The following CUX1 variants were observed in gnomAD, a reference collection of about 807,000 sequenced individuals.
CUX1 encodes protein CASP.
Under a neutral mutation model 158.8 loss-of-function variants are expected in CUX1, and 31 were observed. The ratio of observed to expected loss-of-function variants is 0.20; its 90% CI spans 0.15 to 0.26. The LOEUF is 0.26. CUX1 is among the 10% of genes least tolerant of loss of function. The pLI is 1.00. For synonymous variants in CUX1, 879 were observed against 862.1 expected (o/e 1.02, Z -0.34); for missense variants, 1,589 against 2,014.6 (o/e 0.79, Z 4.04).
chr7:102,164,064 G>A (rs142010960), intron 9 of CUX1, among the ~76,000 whole-genome samples: 229 of 152,308 alleles, frequency 1.5e-3, no homozygotes, highest in African/African-American at 5.2e-3. Flanking sequence ...CAGATCTCTT[G>A]AGACTTCATG....
chr7:101,969,176 A>T (rs1404412624), intron 2 of CUX1, among the ~76,000 whole-genome samples: 1 of 151,552 alleles, frequency 6.6e-6, no homozygotes, highest in Non-Finnish European at 1.5e-5. Context: ...AAAAAAAAAA[A>T]TGCAAAAAAT....
chr7:102,212,245 GC>G (rs1320424433), intron 20 of CUX1, among the ~76,000 whole-genome samples: 1 of 152,166 alleles, frequency 6.6e-6, no homozygotes, highest in Non-Finnish European at 1.5e-5. Flanking sequence ...GTCAGGGGCA[GC>G]CAGTGCTGAG....
Position 101,916,611 on chromosome 7 carries a change from G to C in CUX1, c.141+386G>C. The stretch of plus-strand genomic sequence containing the variant: ...GGATCCTGTGGGGTGGAAGGTCCGC[G>C]GGGCCTGCTTCCCTGTTGCTGGTGC... On this transcript the variant is annotated intron_variant, in intron 2 of 23. Transcript: ENST00000292535. The surrounding 1 kb of genome is among the most constrained non-coding windows in gnomAD (Gnocchi z 4.4). 4.8e-6 allele frequency: 1 copy of C among 209,756 alleles called. No individual in the cohort carries two copies. Among genetic ancestry groups the C allele is most frequent in the South Asian group, 7.5e-5 (1 of 13,338 alleles). 13.0% of individuals were successfully genotyped at this position (209,756 alleles called of 1,614,324 possible). A position where few individuals can be genotyped will look rare whatever the true frequency, so the allele number is the denominator to read the frequency against.
rs554710100 is a variant in CUX1 at position 101,833,385 on chromosome 7, GA to G, written c.30+15728del. ...GCAACAGTGAGACCCTGTCTCTACAGAAAAAAAAAAAAGAAAGAAATTAGCT... is the reference window on the plus strand; with the variant it reads ...GCAACAGTGAGACCCTGTCTCTACAGAAAAAAAAAAAGAAAGAAATTAGCT... On this transcript the variant is annotated intron_variant, in intron 1 of 23. Coordinates refer to ENST00000292535, the MANE Select transcript of CUX1 (RefSeq NM_181552.4). Among the ~76,000 whole-genome samples, 535 of 138,780 alleles carry G rather than the reference GA, an allele frequency of 3.9e-3. 3 individuals carry two copies. The highest frequency in any genetic ancestry group is 0.011 in the African/African-American group (417 of 37,806). 91.0% of individuals were successfully genotyped at this position (138,780 alleles called of 152,430 possible). A position where few individuals can be genotyped will look rare whatever the true frequency, so the allele number is the denominator to read the frequency against.
At chr7:102,272,952 G>T (rs1161606009) in intron 14 of CUX1, among the ~76,000 whole-genome samples, 2 of 152,248 alleles carry the variant, frequency 1.3e-5, no homozygotes, top group East Asian at 3.9e-4. Flanking sequence ...CATTATCCCA[G>T]AACATCAGCT....
At chr7:101,982,172 A>G (rs1029761011) in intron 2 of CUX1, among the ~76,000 whole-genome samples, 1 of 152,216 alleles carries the variant, frequency 6.6e-6, no homozygotes, top group Non-Finnish European at 1.5e-5. Flanking sequence ...ACATAGCAGT[A>G]AAAAGTAGTT....
intron 2 of CUX1, among the ~76,000 whole-genome samples, chr7:101,936,138 G>A (rs1186889315): frequency 6.6e-6 from 1 of 151,942 alleles, no homozygotes; most frequent in African/African-American, 2.4e-5. Context: ...AAACTACAGG[G>A]CAGGAAAACA....
intron 1 of CUX1, among the ~76,000 whole-genome samples, chr7:101,819,949 C>T (rs897726611): frequency 7.9e-5 from 12 of 152,200 alleles, no homozygotes; most frequent in African/African-American, 2.7e-4. Context: ...CCTAAATCCA[C>T]TGAGCTAACC....
At chr7:101,954,805 C>G (rs577581354) in intron 2 of CUX1, among the ~76,000 whole-genome samples, 1 of 152,286 alleles carries the variant, frequency 6.6e-6, no homozygotes, top group East Asian at 1.9e-4. Flanking sequence ...ACGACAAACT[C>G]CATCTCCTTC....
chr7:101,989,303 C>G (rs1814777604), intron 2 of CUX1, among the ~76,000 whole-genome samples: 1 of 152,246 alleles, frequency 6.6e-6, no homozygotes, highest in Admixed American at 6.5e-5. Flanking sequence ...GGAACGATGT[C>G]TGCGCCGACC....
At chr7:102,031,981 G>A (rs1820840721) in intron 3 of CUX1, among the ~76,000 whole-genome samples, 2 of 151,562 alleles carry the variant, frequency 1.3e-5, no homozygotes, top group African/African-American at 4.8e-5. Flanking sequence ...TGGAGAGCAG[G>A]GTGGCATGAT....
At chr7:101,951,930 G>A (rs1000007831) in intron 2 of CUX1, among the ~76,000 whole-genome samples, 2 of 152,236 alleles carry the variant, frequency 1.3e-5, no homozygotes, top group African/African-American at 4.8e-5. Flanking sequence ...CAACTCTGCT[G>A]TAAAGTAGCC....
chr7:102,117,037 G>A (rs1831505820), intron 8 of CUX1, among the ~76,000 whole-genome samples: 1 of 152,152 alleles, frequency 6.6e-6, no homozygotes, highest in Non-Finnish European at 1.5e-5. Context: ...GGGACAGGGC[G>A]CTGACGGTCA....
At chr7:102,067,626 A>G (rs1345149554) in intron 3 of CUX1, among the ~76,000 whole-genome samples, 1 of 151,868 alleles carries the variant, frequency 6.6e-6, no homozygotes, top group Non-Finnish European at 1.5e-5. Context: ...GAGGATTTCA[A>G]TTATACTTTT....
At position 102,104,400 on chromosome 7, in the gene CUX1, C is replaced by T. The variant is rs375357960; in HGVS notation, c.471C>T (p.Ala157=). ...REYEQTLKNQ[A]ETIALEKEQK... Reference sequence around the variant, plus strand: ...ATGAACAGACACTGAAGAACCAAGCCGAAACCATAGCTCTTGAGAAGGAAC... The same window carrying T: ...ATGAACAGACACTGAAGAACCAAGCTGAAACCATAGCTCTTGAGAAGGAAC... Residue 157 remains alanine (A), a synonymous_variant, in exon 6 of 24, where the codon GCC becomes GCT. Coordinates refer to ENST00000292535, the MANE Select transcript of CUX1 (RefSeq NM_181552.4). 2.0e-5 allele frequency: 32 copies of T among 1,612,676 alleles called. No individual in the cohort carries two copies. The highest frequency in any genetic ancestry group is 1.7e-4 in the African/African-American group (13 of 74,898).
chr7:102,265,827 T>C (rs567807424), intron 14 of CUX1, among the ~76,000 whole-genome samples: 1 of 152,142 alleles, frequency 6.6e-6, no homozygotes, highest in African/African-American at 2.4e-5. Context: ...ATCATCACAA[T>C]GAGAGGTGGT....
chr7:101,827,228 T>G (rs1017503802), intron 1 of CUX1, among the ~76,000 whole-genome samples: 1 of 131,268 alleles, frequency 7.6e-6, no homozygotes, highest in Non-Finnish European at 1.7e-5. Flanking sequence ...GTATAACTTT[T>G]TTTCTCCCCT....
intron 20 of CUX1, among the ~76,000 whole-genome samples, chr7:102,207,220 A>T (rs1270249364): frequency 1.3e-5 from 2 of 152,184 alleles, no homozygotes; most frequent in African/African-American, 4.8e-5. Flanking sequence ...GAAAAAGGCG[A>T]TGAGCCCCTG....
intron 2 of CUX1, among the ~76,000 whole-genome samples, chr7:101,997,266 C>T (rs1036048750): frequency 1.1e-4 from 16 of 152,352 alleles, no homozygotes; most frequent in African/African-American, 3.6e-4. Context: ...GTAATGAGTG[C>T]GTGCACGGAG....
Sources: allele counts gnomAD v4.1 joint callset (sites outside exome capture counted in the v4.1 genomes callset), GRCh38; gene constraint gnomAD v4.1.1; non-coding constraint Gnocchi (gnomAD v3.1); transcripts MANE v1.5; gene names NCBI Gene and HGNC (gene_info 2026-07-23, HGNC 2026-07-21).